Variants in VAT1L observed in about 807,000 individuals in gnomAD.
The protein encoded by VAT1L is putative NADPH-dependent quinone oxidoreductase VAT1L.
Under a neutral mutation model 44.1 loss-of-function variants are expected in VAT1L, and 34 were observed. The ratio of observed to expected loss-of-function variants is 0.77; its 90% confidence interval spans 0.59 to 1.03. The LOEUF is 1.03. VAT1L is among the 50% of genes least tolerant of loss of function. The probability of loss-of-function intolerance (pLI) is 0.00; values close to 1 mark genes in which losing one functional copy is unlikely to be tolerated. For synonymous variants in VAT1L, 253 were observed against 202.2 expected (o/e 1.25, Z -2.13); for missense variants, 615 against 538.8 (o/e 1.14, Z -1.40).
rs545754398 is a variant in VAT1L, at chr16:77,817,115, A to G, written c.363+65A>G. 16 of 1,567,754 alleles carry G rather than the reference A, an allele frequency of 1.0e-5. No individual in the cohort carries two copies. The African/African-American group carries it at 2.2e-4, about 21-fold the overall frequency. On this transcript the variant is annotated intron_variant, in intron 2 of 8. Transcript: ENST00000302536. ...GAATCCATTGAGACAACAAAAGATG[A>G]TGCAGAAAGAAATGTCTGAAATAAC...
chr16:77,813,330 G>T (rs143501399), intron 1 of VAT1L, among the ~76,000 whole-genome samples: 106 of 152,302 alleles, frequency 7.0e-4, no homozygotes, highest in Non-Finnish European at 1.3e-3. Flanking sequence ...AACAATGTCT[G>T]TCCCAATGGG....
intron 3 of VAT1L, among the ~76,000 whole-genome samples, chr16:77,841,173 T>A (rs2016700738): frequency 6.6e-6 from 1 of 152,212 alleles, no homozygotes; most frequent in South Asian, 2.1e-4. Context: ...CTCAACTTTC[T>A]GGGCTCAAAC....
At chr16:77,972,636 C>T (rs929733208) in intron 8 of VAT1L, among the ~76,000 whole-genome samples, 4 of 152,016 alleles carry the variant, frequency 2.6e-5, no homozygotes, top group Non-Finnish European at 5.9e-5. Context: ...CAAAAATTAG[C>T]CGGGTGTGGT....
chr16:77,926,795 A>G (rs1242500967), intron 7 of VAT1L, among the ~76,000 whole-genome samples: 1 of 152,136 alleles, frequency 6.6e-6, no homozygotes, highest in Non-Finnish European at 1.5e-5. Flanking sequence ...GCACTGAGAC[A>G]CAGACATGTC....
chr16:77,960,126 G>C (rs1235850391), intron 7 of VAT1L, among the ~76,000 whole-genome samples: 1 of 152,074 alleles, frequency 6.6e-6, no homozygotes. Flanking sequence ...CTTACCAAGT[G>C]GTAATGTTAC....
intron 3 of VAT1L, among the ~76,000 whole-genome samples, chr16:77,826,629 T>C (rs1349567912): frequency 6.6e-6 from 1 of 152,206 alleles, no homozygotes; most frequent in Non-Finnish European, 1.5e-5. Flanking sequence ...TGTGTCTCAT[T>C]GCCAGGCATT....
chr16:77,851,657 AAAT>A (rs954006209), intron 3 of VAT1L, among the ~76,000 whole-genome samples: 2 of 152,140 alleles, frequency 1.3e-5, no homozygotes, highest in Non-Finnish European at 2.9e-5. Context: ...TGTATTAAAA[AAAT>A]AATAATAAGA....
chr16:77,916,095 A>G (rs2017549149), intron 7 of VAT1L, among the ~76,000 whole-genome samples: 1 of 152,228 alleles, frequency 6.6e-6, no homozygotes, highest in South Asian at 2.1e-4. Flanking sequence ...AGGCAGCATC[A>G]GCAAGAGAAA....
chr16:77,912,577 A>G (rs1035699485), intron 7 of VAT1L, among the ~76,000 whole-genome samples: 13 of 152,104 alleles, frequency 8.5e-5, no homozygotes, highest in Admixed American at 2.0e-4. Context: ...ATTATTTTTT[A>G]CAATAGAATG....
intron 7 of VAT1L, among the ~76,000 whole-genome samples, chr16:77,957,523 G>A (rs254817): frequency 0.34 from 51,212 of 151,764 alleles, 8,772 homozygotes; most frequent in South Asian, 0.45. Context: ...TCAAGAGATC[G>A]AGACCATCCA....
chr16:77,954,915 T>A (rs1429725694), intron 7 of VAT1L, among the ~76,000 whole-genome samples: 2 of 152,226 alleles, frequency 1.3e-5, no homozygotes, highest in Non-Finnish European at 2.9e-5. Flanking sequence ...TTACTTTTTT[T>A]AAAGATCAAC....
At chr16:77,893,558 G>T (rs2017290529) in intron 7 of VAT1L, among the ~76,000 whole-genome samples, 1 of 152,198 alleles carries the variant, frequency 6.6e-6, no homozygotes, top group Non-Finnish European at 1.5e-5. Flanking sequence ...AGAGAAGGCT[G>T]AATAATTACT....
At chr16:77,826,001 C>A (rs543852981) in intron 3 of VAT1L, among the ~76,000 whole-genome samples, 2 of 127,404 alleles carry the variant, frequency 1.6e-5, no homozygotes, top group South Asian at 2.6e-4. Context: ...CCAGCCTGGG[C>A]GACAGAGCCA....
intron 4 of VAT1L, among the ~76,000 whole-genome samples, chr16:77,874,401 C>T (rs189760639): frequency 1.3e-4 from 20 of 152,130 alleles, no homozygotes; most frequent in African/African-American, 4.8e-4. Flanking sequence ...AAGACCTGAC[C>T]ACCAACCTGA....
At chr16:77,926,817 G>A (rs2017674730) in intron 7 of VAT1L, among the ~76,000 whole-genome samples, 1 of 152,198 alleles carries the variant, frequency 6.6e-6, no homozygotes, top group African/African-American at 2.4e-5. Context: ...CATTCCGCTT[G>A]CAGTCTCCCT....
In VAT1L at chr16:77,879,105, A is replaced by G; in HGVS notation, c.827-64A>G. The G allele has an allele frequency of 6.5e-7, 1 of 1,542,990 alleles. No individual in the cohort carries two copies. The highest frequency in any genetic ancestry group is 8.9e-7 in the Non-Finnish European group (1 of 1,119,964). ...GGACCAAACAATTGCCATTTTTTTC[A>G]TGCATAACAAGAGATGTCCATTTTC... On this transcript the variant is annotated intron_variant, in intron 5 of 8. Coordinates refer to ENST00000302536, the MANE Select transcript of VAT1L (RefSeq NM_020927.3). The surrounding 1 kb of genome is among the most constrained non-coding windows in gnomAD (Gnocchi z 4.1).
chr16:77,873,117 C>G (rs1373840731), intron 4 of VAT1L, among the ~76,000 whole-genome samples: 4 of 152,200 alleles, frequency 2.6e-5, no homozygotes. Context: ...CTTCTCAGAG[C>G]TGCTTGCTAA....
chr16:77,961,812 G>A (rs2018163055), intron 7 of VAT1L, among the ~76,000 whole-genome samples: 1 of 152,180 alleles, frequency 6.6e-6, no homozygotes, highest in African/African-American at 2.4e-5. Context: ...TATCAGCTGT[G>A]TGATCTTAGG....
In VAT1L at chr16:77,848,695, C is replaced by T. The variant is rs540354795; in HGVS notation, c.580-14053C>T. On this transcript the variant is annotated intron_variant, in intron 3 of 8. Transcript: ENST00000302536. Reference sequence around the variant, plus strand: ...CAGTAAACGTGATCAGGGGTACTTCCGCAGATGGTCTGCCTCTAGAACATG... The same window carrying T: ...CAGTAAACGTGATCAGGGGTACTTCTGCAGATGGTCTGCCTCTAGAACATG... 4.6e-5 allele frequency among the ~76,000 whole-genome samples: 7 copies of T among 152,126 alleles called. No homozygotes were observed. The East Asian group carries it at 5.8e-4, about 13-fold the overall frequency.
Sources: allele counts gnomAD v4.1 joint callset (sites outside exome capture counted in the v4.1 genomes callset), GRCh38; gene constraint gnomAD v4.1.1; non-coding constraint Gnocchi (gnomAD v3.1); transcripts MANE v1.5; gene names NCBI Gene and HGNC (gene_info 2026-07-23, HGNC 2026-07-21).